NAV2: variants seen among roughly 807,000 people sequenced by gnomAD.
NAV2 encodes the protein neuron navigator 2, also known as helicase, APC down-regulated 1.
A neutral mutation model predicts 223.2 loss-of-function variants in NAV2; 54 were observed. That is an observed-to-expected ratio of 0.24 (90% confidence interval 0.19 to 0.30). NAV2 has a LOEUF of 0.30. NAV2 is among the 10% of genes least tolerant of loss of function. NAV2 has a pLI of 1.00. For missense variants in NAV2, 2,806 were observed against 3,147.5 expected, an observed-to-expected ratio of 0.89 and a Z score of 2.60; for synonymous variants, 1,279 against 1,239.3, an observed-to-expected ratio of 1.03 and a Z score of -0.67.
At chr11:19,522,583 C>G (rs968651518) in intron 1 of NAV2, among the ~76,000 whole-genome samples, 3 of 152,204 alleles carry the variant, frequency 2.0e-5, no homozygotes, top group Non-Finnish European at 4.4e-5. Flanking sequence ...GCCTCCTCAC[C>G]ACTGGAGTGC....
At chr11:19,976,329 G>A (rs1057050483) in intron 10 of NAV2, among the ~76,000 whole-genome samples, 1 of 152,114 alleles carries the variant, frequency 6.6e-6, no homozygotes, top group Non-Finnish European at 1.5e-5. Flanking sequence ...ATGGAGAGGC[G>A]TGTGTTGAGT....
At chr11:19,799,896 G>A (rs1174539797) in intron 1 of NAV2, among the ~76,000 whole-genome samples, 1 of 152,062 alleles carries the variant, frequency 6.6e-6, no homozygotes, top group Non-Finnish European at 1.5e-5. Context: ...GGACTTAAGT[G>A]ACTTTCATCA....
chr11:19,964,044 G>A (rs1300039856), intron 10 of NAV2, among the ~76,000 whole-genome samples: 5 of 152,052 alleles, frequency 3.3e-5, no homozygotes, highest in Admixed American at 6.6e-5. Flanking sequence ...CAAGCTCAGC[G>A]CCACCCTGAG....
chr11:19,749,305 C>G (rs1474635281), intron 1 of NAV2, among the ~76,000 whole-genome samples: 1 of 152,202 alleles, frequency 6.6e-6, no homozygotes, highest in African/African-American at 2.4e-5. Context: ...GGGGGCATCT[C>G]CCTCCCAGAT....
intron 37 of NAV2, among the ~76,000 whole-genome samples, chr11:20,116,278 A>G (rs1405702841): frequency 6.6e-6 from 1 of 152,208 alleles, no homozygotes; most frequent in Admixed American, 6.5e-5. Flanking sequence ...AATAATAATA[A>G]TATTAATAGG....
chr11:19,838,988 T>A (rs1405869180), intron 2 of NAV2, among the ~76,000 whole-genome samples: 1 of 152,226 alleles, frequency 6.6e-6, no homozygotes, highest in Non-Finnish European at 1.5e-5. Context: ...GGAGCTGGGC[T>A]TCCTAGATAG....
chr11:20,002,376 CCT>C (rs1197667896), intron 11 of NAV2, among the ~76,000 whole-genome samples: 3 of 152,076 alleles, frequency 2.0e-5, no homozygotes, highest in East Asian at 3.9e-4. Context: ...ATCCCAAAGC[CCT>C]CTCTCTATCT....
At chr11:19,733,458 G>A (rs746011682) in intron 1 of NAV2, among the ~76,000 whole-genome samples, 3 of 152,158 alleles carry the variant, frequency 2.0e-5, no homozygotes, top group Non-Finnish European at 4.4e-5. Flanking sequence ...TGCTTTACGG[G>A]AGACCGAAAC....
chr11:19,414,279 A>G (rs910194947), intron 1 of NAV2, among the ~76,000 whole-genome samples: 2 of 151,512 alleles, frequency 1.3e-5, no homozygotes, highest in Non-Finnish European at 3.0e-5. Flanking sequence ...CAAACAAACA[A>G]AACGGGTTGC....
chr11:19,482,810 T>G (rs1022745940), intron 1 of NAV2, among the ~76,000 whole-genome samples: 1 of 152,188 alleles, frequency 6.6e-6, no homozygotes, highest in Non-Finnish European at 1.5e-5. Flanking sequence ...TTAAGGCAGT[T>G]GGGATCAATT....
rs919836874 is a variant in NAV2, at chr11:19,644,766, A to G, written c.76-187718A>G. Among the ~76,000 whole-genome samples the G allele has an allele frequency of 4.6e-5, 7 of 152,252 alleles. No homozygotes were observed. The East Asian group carries it at 5.8e-4, about 13-fold the overall frequency. ...TCAAGTAAAGGGGAAAGTAGGCAGC[A>G]GAGATGAGATCTGAAAATCAGGATA... On this transcript the variant is annotated intron_variant, in intron 1 of 37. Transcript: ENST00000360655.
chr11:19,692,394 A>G (rs929168883), intron 1 of NAV2, among the ~76,000 whole-genome samples: 2 of 152,222 alleles, frequency 1.3e-5, no homozygotes, highest in African/African-American at 2.4e-5. Flanking sequence ...GTGTCTGGGA[A>G]AGCTTGTAGC....
chr11:19,936,849 A>T (rs1392230364), intron 7 of NAV2, among the ~76,000 whole-genome samples: 1 of 152,186 alleles, frequency 6.6e-6, no homozygotes, highest in Non-Finnish European at 1.5e-5. Context: ...GTTTAAAACC[A>T]GGTGTAGGCT....
At chr11:19,646,660 C>CAG (rs1212536914) in intron 1 of NAV2, among the ~76,000 whole-genome samples, 2 of 152,042 alleles carry the variant, frequency 1.3e-5, no homozygotes, top group African/African-American at 4.8e-5. Flanking sequence ...GGGTGCTGGC[C>CAG]AGAGGCAGGT....
intron 1 of NAV2, among the ~76,000 whole-genome samples, chr11:19,442,498 C>T (rs776314790): frequency 3.9e-5 from 6 of 152,202 alleles, no homozygotes; most frequent in South Asian, 2.1e-4. Flanking sequence ...GTGACTCATG[C>T]GCTGGTGGTG....
intron 1 of NAV2, among the ~76,000 whole-genome samples, chr11:19,817,287 A>G (rs535890201): frequency 1.3e-5 from 2 of 152,334 alleles, no homozygotes; most frequent in Non-Finnish European, 2.9e-5. Flanking sequence ...GAGTGATTAT[A>G]TAGCCTCACA....
intron 1 of NAV2, among the ~76,000 whole-genome samples, chr11:19,670,124 C>T (rs912562056): frequency 3.9e-5 from 6 of 152,192 alleles, no homozygotes; most frequent in East Asian, 1.9e-4. Flanking sequence ...ACATATGCCA[C>T]GCACACTGTG....
chr11:20,017,818 C>T (rs2054139604), intron 11 of NAV2, among the ~76,000 whole-genome samples: 1 of 152,220 alleles, frequency 6.6e-6, no homozygotes, highest in South Asian at 2.1e-4. Flanking sequence ...TGTTGCAGAT[C>T]ACACCCAGTA....
chr11:19,689,066 A>C (rs2049097564), intron 1 of NAV2, among the ~76,000 whole-genome samples: 1 of 152,152 alleles, frequency 6.6e-6, no homozygotes, highest in South Asian at 2.1e-4. Flanking sequence ...GAGCTCCTGG[A>C]GGCATTGGGA....
Sources: gnomAD v4.1 joint callset for allele counts (sites outside exome capture counted in the v4.1 genomes callset) on GRCh38, gnomAD v4.1.1 for gene constraint, MANE v1.5 for transcripts, NCBI Gene and HGNC (gene_info 2026-07-23, HGNC 2026-07-21) for gene names.